LINGO2: variants seen among roughly 807,000 people sequenced by gnomAD.
LINGO2 encodes leucine rich repeat and Ig domain containing 2.
LINGO2 carries 14 observed loss-of-function variants against 30.6 expected under a neutral mutation model. The observed-to-expected ratio is 0.46, with a 90% CI of 0.30 to 0.72. LINGO2 has a LOEUF of 0.72. LINGO2 is among the 30% of genes least tolerant of loss of function. The pLI is 0.07. For missense variants in LINGO2, 729 were observed against 751.7 expected, an observed-to-expected ratio of 0.97 and a Z score of 0.35; for synonymous variants, 317 against 288.5, an observed-to-expected ratio of 1.10 and a Z score of -1.00.
At chr9:28,315,205 C>T (rs900821442) in intron 3 of LINGO2, among the ~76,000 whole-genome samples, 2 of 151,768 alleles carry the variant, frequency 1.3e-5, no homozygotes, top group East Asian at 3.9e-4. Flanking sequence ...GAATTCAAGA[C>T]GAGCCTGCCC....
At chr9:27,944,283 T>A (rs1453620583), downstream of LINGO2, 4 of 152,186 alleles carry the variant, frequency 2.6e-5, no homozygotes, top group Admixed American at 2.6e-4. Context: ...CCTAGACATA[T>A]GGCCCCTGGA....
chr9:28,514,264 C>T (rs1820531184), intron 1 of LINGO2, among the ~76,000 whole-genome samples: 1 of 152,068 alleles, frequency 6.6e-6, no homozygotes, highest in Non-Finnish European at 1.5e-5. Context: ...ACAATGGCTT[C>T]TAAGTGTTCA....
chr9:28,261,539 G>A (rs1354281180), intron 4 of LINGO2, among the ~76,000 whole-genome samples: 3 of 151,790 alleles, frequency 2.0e-5, no homozygotes, highest in South Asian at 2.1e-4. Context: ...AATTTGGCAC[G>A]TAGTCCTTTC....
chr9:27,997,881 G>A (rs1335812292), intron 5 of LINGO2, among the ~76,000 whole-genome samples: 1 of 119,718 alleles, frequency 8.4e-6, no homozygotes, highest in African/African-American at 3.2e-5. Flanking sequence ...GGTGTTATCC[G>A]TTTCAAAATG....
chr9:27,967,237 T>C (rs1348116899), intron 5 of LINGO2, among the ~76,000 whole-genome samples: 2 of 152,188 alleles, frequency 1.3e-5, no homozygotes, highest in African/African-American at 4.8e-5. Flanking sequence ...GTTTATTAGT[T>C]CTGCTCTGTG....
intron 1 of LINGO2, among the ~76,000 whole-genome samples, chr9:28,493,249 A>T (rs1826471591): frequency 6.6e-6 from 1 of 152,168 alleles, no homozygotes; most frequent in Non-Finnish European, 1.5e-5. Flanking sequence ...CCCTTTGTTA[A>T]TACTTCCACC....
chr9:29,185,447 ATACTT>A, the LINGO2 span, among the ~76,000 whole-genome samples: 29 of 152,200 alleles, frequency 1.9e-4, 1 homozygote, highest in Non-Finnish European at 1.5e-5. Flanking sequence ...AAGACATTAC[ATACTT>A]TAAACGCATT....
chr9:28,206,164 C>CA lies in LINGO2; in HGVS notation c.-87+89043dup, dbSNP rs34169188. On this transcript the variant is annotated intron_variant, in intron 4 of 5. Coordinates refer to ENST00000379992, the Ensembl canonical transcript of LINGO2. ...TGAGTGACAGAGTGAGACCCTGTTT[C>CA]AAAAAAAAAAAAAAAAAAAAAAAAA... 5.9e-3 allele frequency among the ~76,000 whole-genome samples: 430 copies of CA among 73,466 alleles called. 5 individuals are homozygous for CA. Among genetic ancestry groups the CA allele is most frequent in the East Asian group, 9.2e-3 (25 of 2,712 alleles). The allele number at this position is 73,466 out of a possible 152,430, so 48.2% of individuals were successfully genotyped here.
chr9:28,020,558 A>G (rs1823064903), intron 4 of LINGO2, among the ~76,000 whole-genome samples: 2 of 136,760 alleles, frequency 1.5e-5, no homozygotes, highest in Admixed American at 1.5e-4. Context: ...AAACAAAACA[A>G]AACAAAACAA....
At chr9:27,981,371 T>TA (rs1191564980) in intron 5 of LINGO2, among the ~76,000 whole-genome samples, 1 of 150,860 alleles carries the variant, frequency 6.6e-6, no homozygotes, top group Non-Finnish European at 1.5e-5. Flanking sequence ...ACACAGATAA[T>TA]AAAAAGCGAA....
the LINGO2 span, among the ~76,000 whole-genome samples, chr9:29,179,734 G>A: frequency 6.6e-6 from 1 of 152,230 alleles, no homozygotes; most frequent in Non-Finnish European, 1.5e-5. Flanking sequence ...GTGCTTGTAT[G>A]TGCTATTAAT....
chr9:29,160,735 T>C, the LINGO2 span, among the ~76,000 whole-genome samples: 1 of 152,176 alleles, frequency 6.6e-6, no homozygotes, highest in African/African-American at 2.4e-5. Flanking sequence ...ATTTGACAAA[T>C]GTTGATAGTT....
intron 4 of LINGO2, among the ~76,000 whole-genome samples, chr9:28,239,348 G>C (rs1188620454): frequency 6.6e-6 from 1 of 151,920 alleles, no homozygotes; most frequent in Non-Finnish European, 1.5e-5. Context: ...GAAAACCACA[G>C]GCCAATAGCT....
At chr9:28,855,280 T>C in the LINGO2 span, among the ~76,000 whole-genome samples, 1 of 152,002 alleles carries the variant, frequency 6.6e-6, no homozygotes. Flanking sequence ...AAGGCAGTCC[T>C]TAGGATAGGA....
chr9:28,693,318 C>A, the LINGO2 span, among the ~76,000 whole-genome samples: 1 of 152,016 alleles, frequency 6.6e-6, no homozygotes, highest in Non-Finnish European at 1.5e-5. Flanking sequence ...AAATTTGGTA[C>A]CATCTCTCAT....
intron 2 of LINGO2, among the ~76,000 whole-genome samples, chr9:28,439,601 C>T (rs1824105658): frequency 6.6e-6 from 1 of 151,978 alleles, no homozygotes; most frequent in South Asian, 2.1e-4. Context: ...GCATATAGCA[C>T]CTTCCCCTTC....
intron 4 of LINGO2, among the ~76,000 whole-genome samples, chr9:28,254,448 G>A (rs2134021246): frequency 6.6e-6 from 1 of 151,870 alleles, no homozygotes; most frequent in Non-Finnish European, 1.5e-5. Context: ...CTACTTTTAG[G>A]GCACTTGATT....
intron 1 of LINGO2, among the ~76,000 whole-genome samples, chr9:28,562,716 G>A (rs1482779455): frequency 6.6e-6 from 1 of 151,946 alleles, no homozygotes; most frequent in African/African-American, 2.4e-5. Flanking sequence ...CCATTTTTCT[G>A]ACAGATTTTA....
At chr9:27,964,768 C>T (rs1820015068) in intron 5 of LINGO2, among the ~76,000 whole-genome samples, 1 of 152,060 alleles carries the variant, frequency 6.6e-6, no homozygotes. Flanking sequence ...GATCCACAAT[C>T]AAGAGCTATC....
Sources: allele counts gnomAD v4.1 joint callset (sites outside exome capture counted in the v4.1 genomes callset), GRCh38; gene constraint gnomAD v4.1.1; transcripts MANE v1.5; gene names NCBI Gene and HGNC (gene_info 2026-07-23, HGNC 2026-07-21).